CFAP90: variants seen among roughly 807,000 people sequenced by gnomAD.
The protein encoded by CFAP90 is cilia- and flagella-associated protein 90.
At chr5:7,831,993 CAG>C in the CFAP90 span, 1 of 1,612,880 alleles carries the variant, frequency 6.2e-7, no homozygotes, top group Non-Finnish European at 8.5e-7. Context: ...TTCCCATAGA[CAG>C]AAGACGTCAG....
the CFAP90 span, among the ~76,000 whole-genome samples, chr5:7,832,508 T>G: frequency 6.6e-6 from 1 of 152,186 alleles, no homozygotes; most frequent in Non-Finnish European, 1.5e-5. Context: ...TTTCTTTTTT[T>G]TCTTTTCTTT....
chr5:7,838,218 A>G, the CFAP90 span, among the ~76,000 whole-genome samples: 1 of 152,266 alleles, frequency 6.6e-6, no homozygotes, highest in Non-Finnish European at 1.5e-5. Flanking sequence ...AGAAAAAGAA[A>G]ACCCATTAGA....
At chr5:7,844,873 G>C in the CFAP90 span, among the ~76,000 whole-genome samples, 73,979 of 152,106 alleles carry the variant, frequency 0.49, 18,340 homozygotes, top group Admixed American at 0.59. Context: ...CTCATATTGA[G>C]CACTGTCTGC....
chr5:7,846,946 C>G, the CFAP90 span, among the ~76,000 whole-genome samples: 1 of 152,102 alleles, frequency 6.6e-6, no homozygotes, highest in Admixed American at 6.6e-5. Flanking sequence ...GGTTTCACCA[C>G]GTTGGCTGGG....
At chr5:7,850,802 G>T in the CFAP90 span, 4 of 651,126 alleles carry the variant, frequency 6.1e-6, 1 homozygote, top group Non-Finnish European at 7.4e-6. Context: ...CCGCCCAGCC[G>T]CCCAGCCGCC....
the CFAP90 span, among the ~76,000 whole-genome samples, chr5:7,849,763 A>G: frequency 6.6e-6 from 1 of 152,170 alleles, no homozygotes; most frequent in Non-Finnish European, 1.5e-5. Flanking sequence ...CTCTCAGTCC[A>G]GCCCTCCCTG....
chr5:7,851,044 G>T, the CFAP90 span: 1 of 1,237,934 alleles, frequency 8.1e-7, no homozygotes, highest in Non-Finnish European at 1.0e-6. Context: ...CAGCGCCCCC[G>T]CCTTGGCCGC....
At chr5:7,838,809 C>T in the CFAP90 span, among the ~76,000 whole-genome samples, 12 of 152,090 alleles carry the variant, frequency 7.9e-5, no homozygotes, top group Non-Finnish European at 1.8e-4. Flanking sequence ...AAAGCTACAC[C>T]CATGGCCAAG....
chr5:7,832,410 C>T, the CFAP90 span, among the ~76,000 whole-genome samples: 1 of 152,102 alleles, frequency 6.6e-6, no homozygotes, highest in Non-Finnish European at 1.5e-5. Context: ...CAGCTCCCTG[C>T]TCATCCCTCT....
chr5:7,835,396 G>A, the CFAP90 span: 5 of 1,582,976 alleles, frequency 3.2e-6, no homozygotes, highest in Non-Finnish European at 4.3e-6. Flanking sequence ...TCGTTAACAT[G>A]AAGTCCCAGG....
At chr5:7,835,608 T>C in the CFAP90 span, 55 of 660,676 alleles carry the variant, frequency 8.3e-5, no homozygotes, top group Non-Finnish European at 1.3e-4. Flanking sequence ...GAGGTGCATG[T>C]GGTGAGTATG....
At chr5:7,834,726 G>A in the CFAP90 span, among the ~76,000 whole-genome samples, 4 of 152,066 alleles carry the variant, frequency 2.6e-5, no homozygotes, top group Non-Finnish European at 5.9e-5. Flanking sequence ...ACTTAGCATT[G>A]TGTTTTAATC....
chr5:7,847,524 A>C, the CFAP90 span, among the ~76,000 whole-genome samples: 1 of 152,202 alleles, frequency 6.6e-6, no homozygotes, highest in African/African-American at 2.4e-5. Flanking sequence ...TGCCAAATCT[A>C]CACAGCTCTC....
At chr5:7,837,219 T>C in the CFAP90 span, among the ~76,000 whole-genome samples, 1 of 152,152 alleles carries the variant, frequency 6.6e-6, no homozygotes, top group African/African-American at 2.4e-5. Flanking sequence ...ATCCCAACTT[T>C]TTCTGAGTAC....
At chr5:7,841,792 A>AT in the CFAP90 span, among the ~76,000 whole-genome samples, 4 of 152,124 alleles carry the variant, frequency 2.6e-5, no homozygotes, top group Non-Finnish European at 5.9e-5. Flanking sequence ...ATAGGGACAC[A>AT]TGGGGGGTGG....
the CFAP90 span, among the ~76,000 whole-genome samples, chr5:7,841,021 C>T: frequency 6.6e-6 from 1 of 152,120 alleles, no homozygotes; most frequent in South Asian, 2.1e-4. Context: ...CAGAGCTCTG[C>T]ACAGCAAAAG....
the CFAP90 span, among the ~76,000 whole-genome samples, chr5:7,836,481 G>C: frequency 0.34 from 50,956 of 152,050 alleles, 8,748 homozygotes; most frequent in Admixed American, 0.46. Flanking sequence ...GTGCATGGGG[G>C]ACATCTCAGG....
chr5:7,849,028 T>C, the CFAP90 span, among the ~76,000 whole-genome samples: 1 of 152,208 alleles, frequency 6.6e-6, no homozygotes, highest in East Asian at 1.9e-4. Context: ...AATTTCCCCT[T>C]TTCTCAAAGA....
At chr5:7,833,343 C>T in the CFAP90 span, among the ~76,000 whole-genome samples, 3 of 150,774 alleles carry the variant, frequency 2.0e-5, no homozygotes, top group Non-Finnish European at 4.4e-5. Context: ...CACACATGTG[C>T]ATGATATATA....
Sources: gnomAD v4.1 joint callset for allele counts (sites outside exome capture counted in the v4.1 genomes callset) on GRCh38, gnomAD v4.1.1 for gene constraint, MANE v1.5 for transcripts, NCBI Gene and HGNC (gene_info 2026-07-23, HGNC 2026-07-21) for gene names.